KCNN1: variants seen among roughly 807,000 people sequenced by gnomAD.
KCNN1 encodes the protein small conductance calcium-activated potassium channel protein 1.
In KCNN1, 20 loss-of-function variants were observed where a neutral mutation model predicts 44.7. That is an observed-to-expected ratio of 0.45 (90% CI 0.32 to 0.65). The LOEUF (loss-of-function observed/expected upper bound fraction) is 0.65, where lower values mean the gene tolerates loss of function less well. Ranked by LOEUF, KCNN1 falls within the 30% of genes least tolerant of loss-of-function variation. KCNN1 has a pLI of 0.05. For missense variants in KCNN1, 632 were observed against 785.3 expected, an observed-to-expected ratio of 0.80 and a Z score of 2.33; for synonymous variants, 324 against 341.7, an observed-to-expected ratio of 0.95 and a Z score of 0.57.
chr19:17,960,355 C>T (rs1192131364), intron 2 of KCNN1, among the ~76,000 whole-genome samples: 1 of 152,006 alleles, frequency 6.6e-6, no homozygotes, highest in Non-Finnish European at 1.5e-5. Flanking sequence ...GTTGGCCAGG[C>T]GGGGTGGCTC....
chr19:17,976,935 C>T (rs923838968), intron 3 of KCNN1, among the ~76,000 whole-genome samples: 3 of 151,772 alleles, frequency 2.0e-5, no homozygotes, highest in Non-Finnish European at 2.9e-5. Flanking sequence ...AGGCTGGTCT[C>T]GAACTCCTGA....
Position 17,983,342 on chromosome 19 carries a change from T to C in KCNN1, c.917+1215T>C, listed in dbSNP as rs1397429293. On this transcript the variant is annotated intron_variant, in intron 4 of 9. Coordinates refer to ENST00000684775, the MANE Select transcript of KCNN1 (RefSeq NM_001386974.1). The surrounding 1 kb of genome is among the most constrained non-coding windows in gnomAD (Gnocchi z 4.5). Reference sequence around the variant, plus strand: ...ACCCCTGCTTGCCCTCAGCACCCCATCCTCATCCCTCCACCCAGCCCCCAC... The same window carrying C: ...ACCCCTGCTTGCCCTCAGCACCCCACCCTCATCCCTCCACCCAGCCCCCAC... Among the ~76,000 whole-genome samples, 1 of 152,052 alleles carries C rather than the reference T, an allele frequency of 6.6e-6. No individual in the cohort carries two copies. The highest frequency in any genetic ancestry group is 6.5e-5 in the Admixed American group (1 of 15,274).
At chr19:17,992,982 T>C (rs1269123103) in intron 7 of KCNN1, 72 bp from the exon 8 acceptor site, 1 of 1,590,416 alleles carries the variant, frequency 6.3e-7, no homozygotes, top group Admixed American at 1.8e-5. Context: ...CAGGGTTGGG[T>C]ACATGCCGAA....
chr19:17,994,477 G>C (rs932660872), intron 9 of KCNN1, among the ~76,000 whole-genome samples: 3 of 150,588 alleles, frequency 2.0e-5, no homozygotes, highest in Non-Finnish European at 3.0e-5. Flanking sequence ...AAAGAAATCA[G>C]TTTGTGTTAT....
rs1303786971 is a variant in KCNN1, at chr19:17,998,455, C to T, written c.*49C>T. ...CTAAATCTTGGCCATCGTGTGGCCG[C>T]CACCTCCGGGAAGCCTTGTACAGTG... On this transcript the variant is annotated 3_prime_UTR_variant, in exon 10 of 10. Coordinates refer to ENST00000684775, the MANE Select transcript of KCNN1 (RefSeq NM_001386974.1). This position sits in a 1 kb window ranked among gnomAD's most constrained non-coding sequence, Gnocchi z 5.4. The T allele has an allele frequency of 1.4e-6, 2 of 1,441,744 alleles. No individual in the cohort carries two copies. The highest frequency in any genetic ancestry group is 1.4e-5 in the African/African-American group (1 of 69,934). The allele number at this position is 1,441,744 out of a possible 1,614,324, so 89.3% of individuals were successfully genotyped here.
chr19:17,968,971 A>T (rs1393886553), intron 1 of KCNN1, among the ~76,000 whole-genome samples: 1 of 152,128 alleles, frequency 6.6e-6, no homozygotes, highest in East Asian at 1.9e-4. Flanking sequence ...AACTAGGTAT[A>T]TACCTAGCTA....
At chr19:17,957,180 AGAGGAGAGGG>A (rs1263469723) in intron 2 of KCNN1, among the ~76,000 whole-genome samples, 24 of 103,982 alleles carry the variant, frequency 2.3e-4, no homozygotes, top group South Asian at 4.1e-4. Flanking sequence ...AGAGGGGAGG[AGAGGAGAGGG>A]GAGGAGAGGG....
chr19:17,955,986 G>A (rs2031535458), intron 2 of KCNN1, among the ~76,000 whole-genome samples: 1 of 151,994 alleles, frequency 6.6e-6, no homozygotes, highest in Non-Finnish European at 1.5e-5. Flanking sequence ...CTGGAGCGCA[G>A]TGGCATGATC....
At chr19:17,988,373 T>A in intron 5 of KCNN1, 42 bp from the exon 6 acceptor site, 1 of 1,542,810 alleles carries the variant, frequency 6.5e-7, no homozygotes, top group Non-Finnish European at 8.8e-7. Flanking sequence ...GGGAGTGACC[T>A]CAAGACAGGA....
Position 17,993,634 on chromosome 19 carries a change from T to C in KCNN1, c.1377+75T>C, listed in dbSNP as rs997407250. The stretch of plus-strand genomic sequence containing the variant: ...AGCAGATGGGATGGGGCTCAGCTCC[T>C]GCCGGAGGAGGGCACAAGGACCCGC... On this transcript the variant is annotated intron_variant, in intron 9 of 9. Coordinates refer to ENST00000684775, the MANE Select transcript of KCNN1 (RefSeq NM_001386974.1). The surrounding 1 kb of genome is among the most constrained non-coding windows in gnomAD (Gnocchi z 4.5). 4.1e-5 allele frequency: 52 copies of C among 1,255,780 alleles called. No homozygotes were observed. In the African/African-American group the frequency reaches 6.8e-4, roughly 16 times the overall value. 77.8% of individuals were successfully genotyped at this position (1,255,780 alleles called of 1,614,324 possible). A position where few individuals can be genotyped will look rare whatever the true frequency, so the allele number is the denominator to read the frequency against.
chr19:17,998,303 C>A lies in KCNN1; in HGVS notation c.1529C>A (p.Pro510His). The change falls in exon 10 of 10, where the codon CCC (proline) becomes CAC (histidine). Residue 510 changes from proline (P) to histidine (H), a missense_variant. Around this residue, in one of 3 missense-constraint regions of KCNN1, gnomAD observed 237 missense variants for 253.0 expected, o/e 0.94. Transcript: ENST00000684775. The surrounding 1 kb of genome is among the most constrained non-coding windows in gnomAD (Gnocchi z 5.4). ...PGLIAQAIRP[P>H]PPPLPPRPGP... ...CTCATCGCCCAAGCCATACGCCCAC[C>A]CCCGCCTCCCCTGCCTCCCAGGCCC... 6.5e-7 allele frequency: 1 copy of A among 1,542,698 alleles called. No homozygotes were observed. The highest frequency in any genetic ancestry group is 8.7e-7 in the Non-Finnish European group (1 of 1,149,504).
chr19:17,978,694 C>G (rs2032293265), intron 3 of KCNN1, among the ~76,000 whole-genome samples: 1 of 149,920 alleles, frequency 6.7e-6, no homozygotes. Context: ...CTAGAGTGAT[C>G]CTCCTGCCTC....
intron 9 of KCNN1, among the ~76,000 whole-genome samples, chr19:17,994,792 C>G (rs2032927658): frequency 6.6e-6 from 1 of 152,220 alleles, no homozygotes; most frequent in Non-Finnish European, 1.5e-5. Flanking sequence ...GATCCACCCC[C>G]CTCAGCCTCC....
chr19:17,990,922 A>G (rs1171476553), intron 7 of KCNN1, among the ~76,000 whole-genome samples: 3 of 152,178 alleles, frequency 2.0e-5, no homozygotes, highest in Non-Finnish European at 4.4e-5. Flanking sequence ...CTGCTCATTG[A>G]AGTCACCAGG....
intron 4 of KCNN1, among the ~76,000 whole-genome samples, chr19:17,984,235 G>A (rs2032519739): frequency 6.6e-6 from 1 of 152,054 alleles, no homozygotes. Flanking sequence ...GACTGGAGGT[G>A]CCTGGAGTGG....
Position 17,975,100 on chromosome 19 carries a change from G to C in KCNN1, c.411G>C (p.Leu137=). ...TCCTCTCTCTTTACCAGGAGTCTCT[G>C]TACTCATTCGCACTCAAATGCCTCA... is the stretch of plus-strand genomic sequence containing the variant. ...LSWGVYTKES[L]YSFALKCLIS... Residue 137 remains leucine (L), a synonymous_variant, in exon 3 of 10, where the codon CTG becomes CTC. Transcript: ENST00000684775. 1 of 1,613,458 alleles carries C rather than the reference G, an allele frequency of 6.2e-7. No homozygotes were observed. The highest frequency in any genetic ancestry group is 1.1e-5 in the South Asian group (1 of 91,070).
chr19:17,970,962 C>T (rs1247931430), intron 1 of KCNN1, among the ~76,000 whole-genome samples: 1 of 151,694 alleles, frequency 6.6e-6, no homozygotes, highest in Non-Finnish European at 1.5e-5. Flanking sequence ...CAGCTCACTG[C>T]AGCCTCCACC....
At chr19:17,957,114 G>A (rs2031561083) in intron 2 of KCNN1, among the ~76,000 whole-genome samples, 1 of 133,542 alleles carries the variant, frequency 7.5e-6, no homozygotes, top group Admixed American at 7.5e-5. Context: ...AGGGACAGAG[G>A]GAGGGAGGAA....
intron 3 of KCNN1, among the ~76,000 whole-genome samples, chr19:17,978,098 G>A (rs150314580): frequency 2.5e-4 from 38 of 151,532 alleles, no homozygotes; most frequent in East Asian, 5.8e-4. Context: ...AGAATTATAC[G>A]GTTTGTGAAT....
Sources: allele counts gnomAD v4.1 joint callset (sites outside exome capture counted in the v4.1 genomes callset), GRCh38; gene constraint gnomAD v4.1.1; regional missense constraint gnomAD v4.1.1; non-coding constraint Gnocchi (gnomAD v3.1); transcripts MANE v1.5; gene names NCBI Gene and HGNC (gene_info 2026-07-23, HGNC 2026-07-21).